RAI1: variants seen among roughly 807,000 people sequenced by gnomAD.
RAI1 encodes the protein retinoic acid induced 1.
In RAI1, 9 loss-of-function variants were observed where a neutral mutation model predicts 123.8. The observed-to-expected ratio is 0.07, with a 90% CI of 0.04 to 0.13. The LOEUF is 0.13. RAI1 is among the 10% of genes least tolerant of loss of function. RAI1 has a pLI of 1.00. For synonymous variants in RAI1, 1,231 were observed against 1,127.3 expected (o/e 1.09, Z -1.84); for missense variants, 2,256 against 2,545.8 (o/e 0.89, Z 2.45).
At chr17:17,781,239 TC>T (rs1480296519) in intron 2 of RAI1, among the ~76,000 whole-genome samples, 13 of 152,276 alleles carry the variant, frequency 8.5e-5, no homozygotes, top group African/African-American at 3.1e-4. Flanking sequence ...CCTCCAACCT[TC>T]CGTCCTCTGT....
chr17:17,787,465 A>C (rs1203127084), intron 2 of RAI1, among the ~76,000 whole-genome samples: 1 of 152,254 alleles, frequency 6.6e-6, no homozygotes. Context: ...GATCTAAAAA[A>C]AAAATTATTG....
rs755678821 is a variant in RAI1, at chr17:17,797,244, G to A, written c.4296G>A (p.Pro1432=). 2.7e-5 allele frequency: 44 copies of A among 1,613,318 alleles called. No individual in the cohort carries two copies. Among genetic ancestry groups the A allele is most frequent in the Admixed American group, 8.3e-5 (5 of 60,010 alleles). ...TCAAAACCGAGGCCTTCACATCCCC[G>A]GAGGCCCTGCAGCCTGGGGGGACTG... ...DCFKTEAFTS[P]EALQPGGTAL... The change falls in exon 3 of 6, where the codon CCG becomes CCA. Residue 1432 remains proline, a synonymous_variant. Transcript: ENST00000353383.
rs750421613 is a variant in RAI1 at position 17,797,125 on chromosome 17, A to C, written c.4177A>C (p.Thr1393Pro). Residue 1393 changes from threonine to proline, a missense_variant, in exon 3 of 6, where the codon ACT becomes CCT. Thr to Pro is a conservative substitution (Grantham distance 38). Coordinates refer to ENST00000353383, the MANE Select transcript of RAI1 (RefSeq NM_030665.4). The part of the protein sequence containing the change: ...VNVGTGQKLP[T>P]SGADPLCRNP... ...TGTGGGCACCGGGCAGAAGCTCCCA[A>C]CTTCTGGGGCTGATCCGTTATGCAG... 2 of 1,613,818 alleles carry C rather than the reference A, an allele frequency of 1.2e-6. No homozygotes were observed. The highest frequency in any genetic ancestry group is 2.7e-5 in the African/African-American group (2 of 74,918).
At chr17:17,758,877 C>T (rs148567418) in intron 2 of RAI1, among the ~76,000 whole-genome samples, 26 of 152,148 alleles carry the variant, frequency 1.7e-4, no homozygotes, top group African/African-American at 6.3e-4. Flanking sequence ...ATGAAGCTGC[C>T]CAGCTGACAG....
chr17:17,737,547 T>C (rs1250688801), intron 2 of RAI1, among the ~76,000 whole-genome samples: 1 of 152,170 alleles, frequency 6.6e-6, no homozygotes, highest in Non-Finnish European at 1.5e-5. Flanking sequence ...ACCACAGGGA[T>C]AGGCAGTGAC....
intron 2 of RAI1, among the ~76,000 whole-genome samples, chr17:17,745,777 A>T (rs1202588924): frequency 6.6e-6 from 1 of 152,166 alleles, no homozygotes; most frequent in Non-Finnish European, 1.5e-5. Context: ...GAGCTTACAG[A>T]AGGGTGAGCA....
intron 1 of RAI1, among the ~76,000 whole-genome samples, chr17:17,719,353 C>T (rs1185359954): frequency 3.3e-5 from 5 of 152,188 alleles, no homozygotes; most frequent in Admixed American, 3.3e-4. Context: ...CCACACTAAC[C>T]TCTTGGCCAT....
At chr17:17,690,168 T>G (rs1567822574) in intron 1 of RAI1, among the ~76,000 whole-genome samples, 1 of 152,110 alleles carries the variant, frequency 6.6e-6, no homozygotes, top group African/African-American at 2.4e-5. Flanking sequence ...GTGGATCACC[T>G]GAGCCCGGGA....
chr17:17,806,977 T>C (rs1168416501), intron 4 of RAI1, among the ~76,000 whole-genome samples: 2 of 152,070 alleles, frequency 1.3e-5, no homozygotes, highest in African/African-American at 2.4e-5. Flanking sequence ...TAGAGGCAGC[T>C]GTGGACATAC....
intron 1 of RAI1, among the ~76,000 whole-genome samples, chr17:17,719,347 A>G (rs1009215764): frequency 1.4e-4 from 21 of 152,072 alleles, no homozygotes; most frequent in Non-Finnish European, 1.5e-5. Context: ...CTCAAGCCAC[A>G]CTAACCTCTT....
At chr17:17,699,954 TC>T in intron 1 of RAI1, among the ~76,000 whole-genome samples, 1 of 152,220 alleles carries the variant, frequency 6.6e-6, no homozygotes, top group Non-Finnish European at 1.5e-5. Context: ...GGTGTCCCCC[TC>T]CAAGCCTCAG....
chr17:17,770,487 C>A (rs2031110380), intron 2 of RAI1, among the ~76,000 whole-genome samples: 1 of 152,172 alleles, frequency 6.6e-6, no homozygotes, highest in Admixed American at 6.5e-5. Flanking sequence ...GAAGATACTG[C>A]CTCTTCCATG....
chr17:17,735,085 C>G (rs982618272), intron 2 of RAI1, among the ~76,000 whole-genome samples: 1 of 151,352 alleles, frequency 6.6e-6, no homozygotes, highest in Non-Finnish European at 1.5e-5. Flanking sequence ...CGGAGTCTTG[C>G]TCTGTTGCCT....
chr17:17,694,752 G>C lies in RAI1; in HGVS notation c.-149+12959G>C, dbSNP rs951846133. Among the ~76,000 whole-genome samples, 8 of 150,136 alleles carry C rather than the reference G, an allele frequency of 5.3e-5. 1 individual carries two copies. The highest frequency in any genetic ancestry group is 1.9e-4 in the African/African-American group (8 of 41,210). On this transcript the variant is annotated intron_variant, in intron 1 of 5. Coordinates refer to ENST00000353383, the MANE Select transcript of RAI1 (RefSeq NM_030665.4). ...CGGGACCTTCGGGGCGCTGAGGCCA[G>C]GCGGGGGGCGAGGCGGGGCGGGCCG...
intron 2 of RAI1, among the ~76,000 whole-genome samples, chr17:17,768,801 G>A (rs56022233): frequency 0.091 from 13,842 of 152,292 alleles, 960 homozygotes; most frequent in African/African-American, 0.18. Context: ...CCAAGGTGGC[G>A]GCTGCGGCTG....
intron 2 of RAI1, among the ~76,000 whole-genome samples, chr17:17,750,250 T>C (rs1409131561): frequency 6.6e-6 from 1 of 152,376 alleles, no homozygotes; most frequent in East Asian, 1.9e-4. Flanking sequence ...TATTGGTCTC[T>C]CTAATCAGCA....
rs769812406 is a variant in RAI1, at chr17:17,795,906, C to T, written c.2958C>T (p.Ile986=). 9.9e-6 allele frequency: 16 copies of T among 1,610,962 alleles called. No individual in the cohort carries two copies. Among genetic ancestry groups the T allele is most frequent in the Non-Finnish European group, 1.1e-5 (13 of 1,179,820 alleles). ...PNKPAVPEAP[I]AKKEPVPRGK... is the part of the protein sequence containing the mutation. ...AGCCTGCTGTGCCCGAGGCGCCCAT[C>T]GCAAAGAAAGAGCCTGTGCCACGGG... The change falls in exon 3 of 6, where the codon ATC becomes ATT. Residue 986 remains isoleucine, a synonymous_variant. Coordinates refer to ENST00000353383, the MANE Select transcript of RAI1 (RefSeq NM_030665.4). The surrounding 1 kb of genome is among the most constrained non-coding windows in gnomAD (Gnocchi z 5.9).
intron 2 of RAI1, among the ~76,000 whole-genome samples, chr17:17,773,344 G>T (rs975262037): frequency 1.3e-5 from 2 of 152,152 alleles, no homozygotes; most frequent in African/African-American, 4.8e-5. Flanking sequence ...CACAGACAGT[G>T]CATGGGACAG....
intron 2 of RAI1, among the ~76,000 whole-genome samples, chr17:17,735,587 C>G (rs1916408526): frequency 6.6e-6 from 1 of 151,942 alleles, no homozygotes; most frequent in Non-Finnish European, 1.5e-5. Flanking sequence ...AAACTCCTGA[C>G]CTCAAGTGAT....
Sources: gnomAD v4.1 joint callset for allele counts (sites outside exome capture counted in the v4.1 genomes callset) on GRCh38, gnomAD v4.1.1 for gene constraint, Gnocchi (gnomAD v3.1) non-coding constraint, MANE v1.5 for transcripts, NCBI Gene and HGNC (gene_info 2026-07-23, HGNC 2026-07-21) for gene names.